Variants in CFAP74 observed in about 807,000 individuals in gnomAD.
CFAP74 encodes the protein cilia and flagella associated protein 74.
In CFAP74, 124 loss-of-function variants were observed where a neutral mutation model predicts 188.9. The ratio of observed to expected loss-of-function variants is 0.66; its 90% CI spans 0.57 to 0.76. The LOEUF is 0.76. CFAP74 is among the 30% of genes least tolerant of loss of function. The pLI, the probability that CFAP74 is intolerant of heterozygous loss-of-function variation, is 0.00. For missense variants in CFAP74, 2,198 were observed against 2,165.2 expected (o/e 1.02, Z -0.30); for synonymous variants, 956 against 916.7 (o/e 1.04, Z -0.77).
At chr1:1,966,874 TC>T in intron 11 of CFAP74, among the ~76,000 whole-genome samples, 1 of 151,182 alleles carries the variant, frequency 6.6e-6, no homozygotes. Context: ...TCTTGCACTG[TC>T]ACCTGGGCTA....
Position 1,973,141 on chromosome 1 carries a change from G to A in CFAP74, c.675-94C>T, listed in dbSNP as rs1005367636. On this transcript the variant is annotated intron_variant, in intron 7 of 38. Coordinates refer to ENST00000682832, the MANE Select transcript of CFAP74 (RefSeq NM_001304360.2). This position sits in a 1 kb window ranked among gnomAD's most constrained non-coding sequence, Gnocchi z 6.2. ...CGGCTGGAGCTCGTGTCCCAGAGACGCCGTGGGCCCTTTCGCTCAGCTCTG... is the reference window on the plus strand; with the variant it reads ...CGGCTGGAGCTCGTGTCCCAGAGACACCGTGGGCCCTTTCGCTCAGCTCTG... 60 of 874,430 alleles carry A rather than the reference G, an allele frequency of 6.9e-5. No homozygotes were observed. The East Asian group carries it at 1.1e-3, about 16-fold the overall frequency. 54.2% of individuals were successfully genotyped at this position (874,430 alleles called of 1,614,324 possible). A position where few individuals can be genotyped will look rare whatever the true frequency, so the allele number is the denominator to read the frequency against.
At chr1:1,974,228 C>A in intron 6 of CFAP74, 30 bp from the exon 7 acceptor site, 1 of 1,562,846 alleles carries the variant, frequency 6.4e-7, no homozygotes. Context: ...CAGCTGGAGA[C>A]GGGCCCCACA....
intron 22 of CFAP74, among the ~76,000 whole-genome samples, chr1:1,940,832 G>A (rs1653316227): frequency 2.0e-5 from 3 of 152,252 alleles, no homozygotes; most frequent in African/African-American, 7.2e-5. Context: ...CAGGAAAAGG[G>A]CCGGGCACGG....
rs1656216740 is a variant in CFAP74, at chr1:1,973,295, C to T, written c.675-248G>A. On this transcript the variant is annotated intron_variant, in intron 7 of 38. Transcript: ENST00000682832. This position sits in a 1 kb window ranked among gnomAD's most constrained non-coding sequence, Gnocchi z 6.2. ...GGAGCCACCAAAGGCAAGGTTTGAT[C>T]CCAGCTGGGCAGGGGTCTGGGAAGA... Among the ~76,000 whole-genome samples, 1 of 152,204 alleles carries T rather than the reference C, an allele frequency of 6.6e-6. No homozygotes were observed. The highest frequency in any genetic ancestry group is 6.5e-5 in the Admixed American group (1 of 15,282).
chr1:1,924,494 G>T lies in CFAP74; in HGVS notation c.4131C>A (p.Ile1377=). The T allele has an allele frequency of 6.2e-7, 1 of 1,604,610 alleles. No homozygotes were observed. Among genetic ancestry groups the T allele is most frequent in the South Asian group, 1.1e-5 (1 of 89,970 alleles). Residue 1377 remains isoleucine (I), a synonymous_variant, in exon 34 of 39, where the codon ATC becomes ATA. Coordinates refer to ENST00000682832, the MANE Select transcript of CFAP74 (RefSeq NM_001304360.2). ...FKLQNNSLLP[I]KFSMHLDSLS... ...GGCTGTCCAGGTGCATGGAGAACTT[G>T]ATGGGGAGCAGAGAGTTGTTCTGCA...
intron 25 of CFAP74, among the ~76,000 whole-genome samples, 196 bp downstream of exon 25, chr1:1,938,659 C>T (rs1653126799): frequency 6.6e-6 from 1 of 152,210 alleles, no homozygotes; most frequent in African/African-American, 2.4e-5. Flanking sequence ...GGGCCCAGAA[C>T]TCAAGGCTGC....
At chr1:1,927,176 C>T in intron 28 of CFAP74, 148 bp from the exon 29 acceptor site, 1 of 887,172 alleles carries the variant, frequency 1.1e-6, no homozygotes, top group Non-Finnish European at 1.7e-6. Flanking sequence ...CTGGCTTTTC[C>T]ACCCTTCTCT....
At position 1,970,552 on chromosome 1, in the gene CFAP74, G is replaced by A. The variant is rs981098605; in HGVS notation, c.1046+107C>T. The A allele has an allele frequency of 6.2e-6, 8 of 1,292,258 alleles. No homozygotes were observed. The African/African-American group carries it at 1.2e-4, about 19-fold the overall frequency. The allele number at this position is 1,292,258 out of a possible 1,614,324, so 80.0% of individuals were successfully genotyped here. A position where few individuals can be genotyped will look rare whatever the true frequency, so the allele number is the denominator to read the frequency against. On this transcript the variant is annotated intron_variant, in intron 10 of 38. Coordinates refer to ENST00000682832, the MANE Select transcript of CFAP74 (RefSeq NM_001304360.2). ...CCACAGCCGCCTGAGTGGGCGCCCT[G>A]GGAGAGAGAGCAGCTTTGCTCAATG...
At chr1:1,936,642 G>A (rs1438132968) in intron 25 of CFAP74, among the ~76,000 whole-genome samples, 8 of 151,860 alleles carry the variant, frequency 5.3e-5, no homozygotes, top group African/African-American at 1.5e-4. Flanking sequence ...AGTGGCTCAC[G>A]CCTGTCATCC....
chr1:1,938,235 TCA>T (rs1381332648), intron 25 of CFAP74, among the ~76,000 whole-genome samples: 2 of 141,834 alleles, frequency 1.4e-5, no homozygotes, highest in East Asian at 2.1e-4. Flanking sequence ...AGTCACATGC[TCA>T]CACATACAAG....
At chr1:1,927,521 TAGGGAGGGGACTCTAC>T in intron 28 of CFAP74, 70 bp downstream of exon 28, 3 of 1,270,960 alleles carry the variant, frequency 2.4e-6, no homozygotes, top group Non-Finnish European at 3.2e-6. Context: ...GGGCAATCTG[TAGGGAGGGGACTCTAC>T]AGGGGCCACA....
chr1:1,938,121 A>G (rs1558001194), intron 25 of CFAP74, among the ~76,000 whole-genome samples: 2 of 118,036 alleles, frequency 1.7e-5, no homozygotes. Context: ...ACATGCACTC[A>G]CATTCAGTCA....
Position 1,973,167 on chromosome 1 carries a change from T to C in CFAP74, c.675-120A>G. ...CCGTGGGCCCTTTCGCTCAGCTCTGTCCCGCACAGCCTCCCTTGGGGAGGA... is the reference window on the plus strand; with the variant it reads ...CCGTGGGCCCTTTCGCTCAGCTCTGCCCCGCACAGCCTCCCTTGGGGAGGA... On this transcript the variant is annotated intron_variant, in intron 7 of 38. Coordinates refer to ENST00000682832, the MANE Select transcript of CFAP74 (RefSeq NM_001304360.2). This position sits in a 1 kb window ranked among gnomAD's most constrained non-coding sequence, Gnocchi z 6.2. The C allele has an allele frequency of 1.5e-6, 1 of 681,042 alleles. No individual in the cohort carries two copies. Among genetic ancestry groups the C allele is most frequent in the Non-Finnish European group, 2.5e-6 (1 of 400,352 alleles). 42.2% of individuals were successfully genotyped at this position (681,042 alleles called of 1,614,324 possible). A position where few individuals can be genotyped will look rare whatever the true frequency, so the allele number is the denominator to read the frequency against.
intron 1 of CFAP74, among the ~76,000 whole-genome samples, chr1:1,999,573 T>C (rs1026581729): frequency 2.6e-5 from 4 of 152,124 alleles, no homozygotes; most frequent in Non-Finnish European, 5.9e-5. Flanking sequence ...TCCCAGCACT[T>C]TGGGAGGCCG....
Position 1,959,152 on chromosome 1 carries a change from CT to C in CFAP74, c.1818del (p.Val607PhefsTer3). On this transcript the variant is annotated frameshift_variant, in exon 16 of 39. Coordinates refer to ENST00000682832, the MANE Select transcript of CFAP74 (RefSeq NM_001304360.2). LOFTEE classifies it high-confidence loss of function. Reference protein sequence around the residue: ...ISFLAQTGEFSVPLKCSTKKC... With the variant: ...ISFLAQTGEFXVPLKCSTKKC... ...TTCTTTGTTGAACATTTCAGTGGAA[CT>C]GAAAACTCGCCCGTCTGAGCCAAAA... is the stretch of plus-strand genomic sequence containing the variant. 6.2e-7 allele frequency: 1 copy of C among 1,613,358 alleles called. No individual in the cohort carries two copies. Among genetic ancestry groups the C allele is most frequent in the Non-Finnish European group, 8.5e-7 (1 of 1,179,536 alleles).
rs1216216309 is a variant in CFAP74, at chr1:1,923,947, T to A, written c.4235-18A>T. 24 of 1,597,494 alleles carry A rather than the reference T, an allele frequency of 1.5e-5. No homozygotes were observed. The highest frequency in any genetic ancestry group is 2.0e-5 in the Non-Finnish European group (24 of 1,171,742). On this transcript the variant is annotated intron_variant, in intron 34 of 38. Coordinates refer to ENST00000682832, the MANE Select transcript of CFAP74 (RefSeq NM_001304360.2). The surrounding 1 kb of genome is among the most constrained non-coding windows in gnomAD (Gnocchi z 6.3). ...CTGCGTCCCTGCGGGTAGGGTGGGG[T>A]GCAGTTTGGCCTTCTCCACCTGCAA...
intron 22 of CFAP74, among the ~76,000 whole-genome samples, chr1:1,941,417 G>A (rs377715687): frequency 9.2e-5 from 14 of 152,348 alleles, no homozygotes; most frequent in Admixed American, 2.6e-4. Flanking sequence ...ATGTTCAAGC[G>A]CAGAAATCAA....
At chr1:1,940,444 A>G in intron 22 of CFAP74, 41 bp from the exon 23 acceptor site, 3 of 1,369,826 alleles carry the variant, frequency 2.2e-6, no homozygotes, top group Non-Finnish European at 2.0e-6. Context: ...TCCTCTTTCC[A>G]TTTTGTGAAA....
chr1:1,987,512 C>T (rs796394851), intron 4 of CFAP74, among the ~76,000 whole-genome samples: 2 of 150,976 alleles, frequency 1.3e-5, no homozygotes, highest in African/African-American at 4.9e-5. Flanking sequence ...GTACAAACAA[C>T]GGAGCAAAGC....
Sources: allele counts gnomAD v4.1 joint callset (sites outside exome capture counted in the v4.1 genomes callset), GRCh38; gene constraint gnomAD v4.1.1; non-coding constraint Gnocchi (gnomAD v3.1); transcripts MANE v1.5; gene names NCBI Gene and HGNC (gene_info 2026-07-23, HGNC 2026-07-21).